The following ALKBH8 variants were observed in gnomAD, a reference collection of about 807,000 sequenced individuals.
The protein encoded by ALKBH8 is tRNA (carboxymethyluridine(34)-5-O)-methyltransferase ALKBH8.
ALKBH8 carries 36 observed loss-of-function variants against 59.8 expected under a neutral mutation model. The ratio of observed to expected loss-of-function variants is 0.60; its 90% CI spans 0.46 to 0.79. ALKBH8 has a LOEUF of 0.79. Among genes scored for constraint, ALKBH8 ranks in the 30% least tolerant of loss-of-function variants. The pLI is 0.00. For synonymous variants in ALKBH8, 276 were observed against 273.6 expected, an observed-to-expected ratio of 1.01 and a Z score of -0.09; for missense variants, 768 against 801.0, an observed-to-expected ratio of 0.96 and a Z score of 0.50.
chr11:107,514,161 G>A (rs373407768), intron 10 of ALKBH8, among the ~76,000 whole-genome samples: 44 of 152,010 alleles, frequency 2.9e-4, no homozygotes, highest in African/African-American at 1.0e-3. Context: ...TATTGTCTCT[G>A]ATACTAAGTA....
At chr11:107,534,564 A>G (rs1039508766) in intron 7 of ALKBH8, among the ~76,000 whole-genome samples, 1 of 152,222 alleles carries the variant, frequency 6.6e-6, no homozygotes, top group African/African-American at 2.4e-5. Context: ...ATCAACGGAC[A>G]GTAGTGATTT....
intron 10 of ALKBH8, among the ~76,000 whole-genome samples, chr11:107,520,239 T>C (rs1222078267): frequency 2.0e-5 from 3 of 152,292 alleles, no homozygotes; most frequent in Admixed American, 2.0e-4. Flanking sequence ...ACCGTATGCC[T>C]GGAAATCAGG....
intron 8 of ALKBH8, among the ~76,000 whole-genome samples, chr11:107,529,792 G>A (rs1051671792): frequency 2.0e-5 from 3 of 152,024 alleles, no homozygotes; most frequent in African/African-American, 4.8e-5. Flanking sequence ...ATGAGCCACC[G>A]CACCCGGCCC....
At position 107,553,960 on chromosome 11, in the gene ALKBH8, C is replaced by A; in HGVS notation, c.386G>T (p.Arg129Met). ...GAGTCCTGGTGGTAAGGCTTGAGGC[C>A]TCAACTCCTTCCACTGCACTATGGG... is the stretch of plus-strand genomic sequence containing the variant. Reference protein sequence around the residue: ...FVEKVQWKELRPQALPPGLMV... With the variant: ...FVEKVQWKELMPQALPPGLMV... The change falls in exon 4 of 12, where the codon AGG (arginine) becomes ATG (methionine). Residue 129 changes from arginine (R) to methionine (M), a missense_variant. Arg to Met is a moderately conservative substitution (Grantham distance 91, BLOSUM62 -1). Transcript: ENST00000428149. 1.2e-6 allele frequency: 2 copies of A among 1,613,704 alleles called. No individual in the cohort carries two copies. The highest frequency in any genetic ancestry group is 1.3e-5 in the African/African-American group (1 of 75,024).
At chr11:107,526,486 C>T (rs1219758523) in intron 8 of ALKBH8, among the ~76,000 whole-genome samples, 4 of 151,834 alleles carry the variant, frequency 2.6e-5, no homozygotes, top group Non-Finnish European at 4.4e-5. Context: ...CAGATATAGA[C>T]GTAAACATAA....
chr11:107,513,741 A>G (rs1362101263), intron 10 of ALKBH8, among the ~76,000 whole-genome samples: 1 of 152,222 alleles, frequency 6.6e-6, no homozygotes, highest in Non-Finnish European at 1.5e-5. Flanking sequence ...TGCTGTATGC[A>G]ACATGGATGG....
At chr11:107,510,735 T>C (rs1862585450) in intron 11 of ALKBH8, among the ~76,000 whole-genome samples, 152 bp downstream of exon 11, 1 of 152,226 alleles carries the variant, frequency 6.6e-6, no homozygotes, top group Non-Finnish European at 1.5e-5. Context: ...ATCTTTATTC[T>C]GCATGCTCTC....
At chr11:107,531,875 G>A (rs1863609197) in intron 8 of ALKBH8, among the ~76,000 whole-genome samples, 1 of 152,128 alleles carries the variant, frequency 6.6e-6, no homozygotes, top group Admixed American at 6.5e-5. Context: ...AGCTGAATGT[G>A]GCCCACTAGC....
intron 7 of ALKBH8, among the ~76,000 whole-genome samples, chr11:107,548,474 T>C (rs1363898027): frequency 1.3e-5 from 2 of 152,216 alleles, no homozygotes; most frequent in Non-Finnish European, 2.9e-5. Context: ...TGTCCTTTAC[T>C]GGTCCCTAAA....
intron 8 of ALKBH8, 32 bp downstream of exon 8, chr11:107,532,268 G>A: frequency 6.4e-7 from 1 of 1,570,192 alleles, no homozygotes; most frequent in Non-Finnish European, 8.7e-7. Context: ...GTCTCATAAA[G>A]AAAAAGAATC....
intron 9 of ALKBH8, among the ~76,000 whole-genome samples, chr11:107,524,869 G>A (rs1417614078): frequency 1.3e-5 from 2 of 152,092 alleles, no homozygotes. Context: ...AATGAAAGAG[G>A]TGTCTGTTAA....
At chr11:107,536,933 T>G (rs1863840706) in intron 7 of ALKBH8, among the ~76,000 whole-genome samples, 1 of 152,162 alleles carries the variant, frequency 6.6e-6, no homozygotes, top group Non-Finnish European at 1.5e-5. Context: ...TCATTACAAC[T>G]CCACTTAGAC....
chr11:107,551,976 T>A (rs1374487293), intron 5 of ALKBH8, 64 bp from the exon 6 acceptor site: 16 of 938,154 alleles, frequency 1.7e-5, no homozygotes, highest in South Asian at 2.9e-5. Flanking sequence ...TACTCAACAA[T>A]TTTAAAAGTC....
chr11:107,565,715 G>A lies in ALKBH8; in HGVS notation c.-121C>T. 2 of 1,525,374 alleles carry A rather than the reference G, an allele frequency of 1.3e-6. No individual in the cohort carries two copies. The highest frequency in any genetic ancestry group is 1.8e-6 in the Non-Finnish European group (2 of 1,137,616). 94.5% of individuals were successfully genotyped at this position (1,525,374 alleles called of 1,614,324 possible). On this transcript the variant is annotated 5_prime_UTR_variant, in exon 1 of 12. Coordinates refer to ENST00000428149, the MANE Select transcript of ALKBH8 (RefSeq NM_138775.3). ...TACTTGCACGCCATCTCCCCTGGGC[G>A]CGGCCATGTTGGAGAAAACTGCACT...
Position 107,522,215 on chromosome 11 carries a change from A to C in ALKBH8, c.1287+84T>G, listed in dbSNP as rs556827511. On this transcript the variant is annotated intron_variant, in intron 10 of 11. Transcript: ENST00000428149. ...ATAACTTTCTGGCAATGATCTAAAA[A>C]AACAGGATTATATCATGAGGAAGAA... 3.5e-6 allele frequency: 5 copies of C among 1,441,836 alleles called. No homozygotes were observed. In the East Asian group the frequency reaches 1.3e-4, roughly 36 times the overall value. 89.3% of individuals were successfully genotyped at this position (1,441,836 alleles called of 1,614,324 possible). A position where few individuals can be genotyped will look rare whatever the true frequency, so the allele number is the denominator to read the frequency against.
chr11:107,506,596 AG>A (rs1179223790), intron 11 of ALKBH8, among the ~76,000 whole-genome samples: 1 of 152,190 alleles, frequency 6.6e-6, no homozygotes, highest in Non-Finnish European at 1.5e-5. Context: ...TACAAAGATA[AG>A]TATTAAACTA....
intron 8 of ALKBH8, among the ~76,000 whole-genome samples, chr11:107,526,003 TA>T (rs1217056616): frequency 3.2e-4 from 48 of 152,142 alleles, no homozygotes; most frequent in African/African-American, 1.1e-3. Flanking sequence ...AAATTAAAAA[TA>T]ACTACATGGT....
chr11:107,519,764 G>A (rs576348770), intron 10 of ALKBH8, among the ~76,000 whole-genome samples: 6 of 152,082 alleles, frequency 3.9e-5, no homozygotes, highest in Non-Finnish European at 5.9e-5. Flanking sequence ...TCAAATTTTC[G>A]TATTAGGGAT....
intron 11 of ALKBH8, among the ~76,000 whole-genome samples, chr11:107,505,660 G>T (rs1460108008): frequency 6.6e-6 from 1 of 152,202 alleles, no homozygotes; most frequent in Non-Finnish European, 1.5e-5. Flanking sequence ...AACCAGAAAG[G>T]CTGGGTGAAA....
Sources: gnomAD v4.1 joint callset for allele counts (sites outside exome capture counted in the v4.1 genomes callset) on GRCh38, gnomAD v4.1.1 for gene constraint, MANE v1.5 for transcripts, NCBI Gene and HGNC (gene_info 2026-07-23, HGNC 2026-07-21) for gene names.